FGF14: variants seen among roughly 807,000 people sequenced by gnomAD.
FGF14 encodes the protein fibroblast growth factor homologous factor 4.
A neutral mutation model predicts 25.5 loss-of-function variants in FGF14; 5 were observed. The ratio of observed to expected loss-of-function variants is 0.20; its 90% confidence interval spans 0.10 to 0.41. FGF14 has a LOEUF of 0.41. Among genes scored for constraint, FGF14 ranks in the 10% least tolerant of loss-of-function variants. FGF14 has a pLI of 1.00. For missense variants in FGF14, 222 were observed against 320.1 expected (o/e 0.69, Z 2.34); for synonymous variants, 138 against 118.3 (o/e 1.17, Z -1.08).
chr13:101,990,727 G>T (rs1185447791), intron 1 of FGF14, among the ~76,000 whole-genome samples: 1 of 152,050 alleles, frequency 6.6e-6, no homozygotes, highest in Admixed American at 6.6e-5. Context: ...CTGTAGAAAT[G>T]GGGGAGTGAT....
upstream of FGF14, among the ~76,000 whole-genome samples, chr13:101,919,339 T>C (rs2033821858): frequency 6.6e-6 from 1 of 151,720 alleles, no homozygotes; most frequent in African/African-American, 2.4e-5. Context: ...AAAAGTAAAA[T>C]GTTAAGTATA....
At chr13:102,292,232 A>G (rs962576991) in intron 1 of FGF14, 1 of 133,494 alleles carries the variant, frequency 7.5e-6, no homozygotes, top group Non-Finnish European at 1.6e-5. Flanking sequence ...AGTTGAGAGG[A>G]TGTCTCATTT....
chr13:102,037,281 G>T (rs1214906687), intron 1 of FGF14, among the ~76,000 whole-genome samples: 2 of 152,022 alleles, frequency 1.3e-5, no homozygotes, highest in Non-Finnish European at 2.9e-5. Context: ...TCCAACACAG[G>T]TCTCAGTGGA....
At chr13:102,178,182 C>G (rs2048523284) in intron 1 of FGF14, among the ~76,000 whole-genome samples, 1 of 152,050 alleles carries the variant, frequency 6.6e-6, no homozygotes, top group African/African-American at 2.4e-5. Context: ...AGAAGGAGAC[C>G]TAAGCCACTG....
In FGF14 at chr13:101,720,568, A is replaced by ATG. The variant is rs1173322733; in HGVS notation, c.*2261_*2262dup. 1.5e-5 allele frequency: 2 copies of ATG among 137,180 alleles called. No homozygotes were observed. The highest frequency in any genetic ancestry group is 3.3e-3 in the Middle Eastern group (1 of 306). 8.5% of individuals were successfully genotyped at this position (137,180 alleles called of 1,614,324 possible). Reference sequence around the variant, plus strand: ...TGTGTGTGTGTGTGTGTGTGTGTATATGTGTGTGTTTGTGTGAAGTGAAGT... The same window carrying ATG: ...TGTGTGTGTGTGTGTGTGTGTGTATATGTGTGTGTGTTTGTGTGAAGTGAAGT... On this transcript the variant is annotated 3_prime_UTR_variant, in exon 5 of 5. Coordinates refer to ENST00000376143, the MANE Select transcript of FGF14 (RefSeq NM_004115.4).
chr13:102,147,284 A>C (rs185704951), intron 1 of FGF14, among the ~76,000 whole-genome samples: 5 of 152,092 alleles, frequency 3.3e-5, no homozygotes, highest in Non-Finnish European at 1.5e-5. Context: ...GGTTTTCTGA[A>C]CTCTTTGTCC....
At chr13:102,187,216 C>T (rs1336729) in intron 1 of FGF14, among the ~76,000 whole-genome samples, 29,270 of 152,134 alleles carry the variant, frequency 0.19, 3,384 homozygotes, top group Admixed American at 0.27. Flanking sequence ...GATTAAACTG[C>T]ATTAGGAGGC....
intron 1 of FGF14, among the ~76,000 whole-genome samples, chr13:102,061,091 C>A (rs2042668581): frequency 6.6e-6 from 1 of 152,220 alleles, no homozygotes; most frequent in Non-Finnish European, 1.5e-5. Context: ...ATGCTGGCTC[C>A]ACATCCATCG....
intron 1 of FGF14, among the ~76,000 whole-genome samples, chr13:101,890,886 G>A (rs1446778900): frequency 2.0e-5 from 3 of 152,002 alleles, no homozygotes; most frequent in African/African-American, 7.2e-5. Flanking sequence ...CCTCTCACCA[G>A]CTCCCTGAGT....
At chr13:101,829,955 A>T (rs987856964) in intron 3 of FGF14, among the ~76,000 whole-genome samples, 1 of 152,068 alleles carries the variant, frequency 6.6e-6, no homozygotes, top group Non-Finnish European at 1.5e-5. Context: ...TAGGCTTCAA[A>T]ACCTTTGTCC....
chr13:102,319,422 G>C (rs991511640), intron 1 of FGF14, among the ~76,000 whole-genome samples: 1 of 152,168 alleles, frequency 6.6e-6, no homozygotes, highest in African/African-American at 2.4e-5. Context: ...TGGAAATTCA[G>C]TCCTGTAAGT....
At chr13:101,797,381 A>G (rs1272634125) in intron 3 of FGF14, among the ~76,000 whole-genome samples, 1 of 152,048 alleles carries the variant, frequency 6.6e-6, no homozygotes, top group Admixed American at 6.6e-5. Flanking sequence ...AATTTGTCAC[A>G]TGTAATTGTG....
chr13:102,114,362 C>T (rs764110576), intron 1 of FGF14, among the ~76,000 whole-genome samples: 7 of 152,174 alleles, frequency 4.6e-5, no homozygotes, highest in Admixed American at 1.3e-4. Context: ...CCGTATGATG[C>T]CTTTTCACTC....
intron 1 of FGF14, among the ~76,000 whole-genome samples, chr13:102,097,210 G>A (rs1595261992): frequency 6.6e-6 from 1 of 152,242 alleles, no homozygotes; most frequent in East Asian, 1.9e-4. Context: ...TAATTGGTTA[G>A]CATGTTGCTT....
At chr13:101,857,992 G>C (rs951774319) in intron 3 of FGF14, among the ~76,000 whole-genome samples, 60 of 151,838 alleles carry the variant, frequency 4.0e-4, no homozygotes, top group African/African-American at 1.5e-3. Context: ...AATTGTTTTA[G>C]TTATTCCTCT....
At chr13:102,337,886 T>C (rs1272955831) in intron 1 of FGF14, among the ~76,000 whole-genome samples, 1 of 152,182 alleles carries the variant, frequency 6.6e-6, no homozygotes, top group African/African-American at 2.4e-5. Context: ...GTACATTGCT[T>C]TTTTAGACAA....
chr13:102,202,270 C>A lies in FGF14; in HGVS notation c.208+199201G>T, dbSNP rs74714543. Among the ~76,000 whole-genome samples the A allele has an allele frequency of 8.0e-4, 122 of 152,226 alleles. 1 individual carries two copies. Among genetic ancestry groups the A allele is most frequent in the Non-Finnish European group, 9.3e-4 (63 of 68,020 alleles). ...AATGGACTAATATACTCCCATAAGC[C>A]AGGGCCCCAAGAAAGATTATCATGG... On this transcript the variant is annotated intron_variant, in intron 1 of 4. Transcript: ENST00000376131.
rs568554823 is a variant in FGF14, at chr13:102,305,516, C to T, written c.208+95955G>A. Among the ~76,000 whole-genome samples the T allele has an allele frequency of 1.1e-4, 17 of 152,196 alleles. No individual in the cohort carries two copies. The South Asian group carries it at 3.5e-3, about 32-fold the overall frequency. ...GAAAATATCAAGACCAGGACTAAAA[C>T]AGAAATATTTGCCTTAAGGATGAAA... On this transcript the variant is annotated intron_variant, in intron 1 of 4. Coordinates refer to the FGF14 transcript ENST00000376131.
chr13:101,790,433 G>A (rs1206165242), intron 3 of FGF14, among the ~76,000 whole-genome samples: 1 of 121,634 alleles, frequency 8.2e-6, no homozygotes, highest in Non-Finnish European at 1.7e-5. Context: ...TTTAACTTTT[G>A]TTTAGATTCA....
Sources: gnomAD v4.1 joint callset for allele counts (sites outside exome capture counted in the v4.1 genomes callset) on GRCh38, gnomAD v4.1.1 for gene constraint, MANE v1.5 for transcripts, NCBI Gene and HGNC (gene_info 2026-07-23, HGNC 2026-07-21) for gene names.